MGMT: variants seen among roughly 807,000 people sequenced by gnomAD.
The protein encoded by MGMT is O-6-methylguanine-DNA methyltransferase.
In MGMT, 14 loss-of-function variants were observed where a neutral mutation model predicts 15.9. The observed-to-expected ratio is 0.88, with a 90% CI of 0.58 to 1.37. The LOEUF (loss-of-function observed/expected upper bound fraction) is 1.37, where lower values mean the gene tolerates loss of function less well. Among genes scored for constraint, MGMT ranks in the 40% most tolerant of loss-of-function variants. The probability of loss-of-function intolerance (pLI) is 0.00; values close to 1 mark genes in which losing one functional copy is unlikely to be tolerated. For synonymous variants in MGMT, 130 were observed against 118.2 expected (o/e 1.10, Z -0.65); for missense variants, 282 against 268.1 (o/e 1.05, Z -0.36).
Position 129,769,019 on chromosome 10 carries a change from C to G in MGMT, c.*2022C>G, listed in dbSNP as rs1483603037. The G allele has an allele frequency of 1.3e-5, 2 of 152,522 alleles. No homozygotes were observed. The highest frequency in any genetic ancestry group is 2.9e-5 in the Non-Finnish European group (2 of 68,280). 9.4% of individuals were successfully genotyped at this position (152,522 alleles called of 1,614,324 possible). ...ATGACTGCAGCCAGCGAGGGCCGAGCCCCCAGAATCCAGGTCAGCTCCTGG... is the reference window on the plus strand; with the variant it reads ...ATGACTGCAGCCAGCGAGGGCCGAGGCCCCAGAATCCAGGTCAGCTCCTGG... On this transcript the variant is annotated 3_prime_UTR_variant, in exon 5 of 5. Coordinates refer to ENST00000651593, the MANE Select transcript of MGMT (RefSeq NM_002412.5).
At chr10:129,561,545 A>AT (rs1471819638) in intron 2 of MGMT, among the ~76,000 whole-genome samples, 1 of 152,120 alleles carries the variant, frequency 6.6e-6, no homozygotes, top group Non-Finnish European at 1.5e-5. Flanking sequence ...CATTCTAACG[A>AT]TTTTGTCAAT....
intron 1 of MGMT, among the ~76,000 whole-genome samples, chr10:129,476,854 C>T (rs1403770246): frequency 6.6e-6 from 1 of 152,176 alleles, no homozygotes; most frequent in African/African-American, 2.4e-5. Context: ...ATGTCAAACC[C>T]ACACCAGACT....
chr10:129,770,323 G>A lies in MGMT; in HGVS notation c.*3326G>A, dbSNP rs1163844845. 1.2e-4 allele frequency among the ~76,000 whole-genome samples: 18 copies of A among 152,242 alleles called. No individual in the cohort carries two copies. Among genetic ancestry groups the A allele is most frequent in the Admixed American group, 1.2e-3 (18 of 15,288 alleles). ...AACGTAAGAGGTGGTGTGACCCGCT[G>A]GAGCCCTGTGGAGTGGCGGACTCTG... On this transcript the variant is annotated 3_prime_UTR_variant, in exon 5 of 5. Transcript: ENST00000651593.
chr10:129,558,691 G>C (rs555020), intron 2 of MGMT, among the ~76,000 whole-genome samples: 144,220 of 152,248 alleles, frequency 0.95, 68,407 homozygotes, highest in East Asian at 1. Flanking sequence ...CTCTCCTGAT[G>C]TTGCCGCCCT....
chr10:129,693,869 C>G (rs1358287139), intron 2 of MGMT: 1 of 151,958 alleles, frequency 6.6e-6, no homozygotes, highest in East Asian at 1.9e-4. Context: ...TGCCGCTGCA[C>G]TGCAGCGTGG....
In MGMT at chr10:129,525,121, T is replaced by TAC. The variant is rs1167772286; in HGVS notation, c.-12-11120_-12-11119insAC. On this transcript the variant is annotated intron_variant, in intron 1 of 4. Transcript: ENST00000651593. ...TTTTCTCTAGGTGTGATCTATTTCT[T>TAC]TCACACACACACACAGCAGTTTGTA... is the stretch of plus-strand genomic sequence containing the variant. Among the ~76,000 whole-genome samples the TAC allele has an allele frequency of 2.1e-3, 327 of 152,156 alleles. 1 individual carries two copies. The highest frequency in any genetic ancestry group is 7.4e-3 in the African/African-American group (308 of 41,510).
intron 3 of MGMT, among the ~76,000 whole-genome samples, chr10:129,735,306 G>A (rs1848547451): frequency 6.6e-6 from 1 of 152,090 alleles, no homozygotes; most frequent in African/African-American, 2.4e-5. Flanking sequence ...TATGTGTCAA[G>A]GAATTTATCC....
chr10:129,746,315 T>C (rs1475959170), intron 3 of MGMT, among the ~76,000 whole-genome samples: 10 of 151,742 alleles, frequency 6.6e-5, no homozygotes, highest in East Asian at 1.9e-4. Flanking sequence ...AAGTTTTTTT[T>C]CCCTTTTTAA....
intron 2 of MGMT, among the ~76,000 whole-genome samples, chr10:129,593,571 C>T (rs541087839): frequency 2.0e-5 from 3 of 152,336 alleles, no homozygotes; most frequent in African/African-American, 4.8e-5. Flanking sequence ...TATCACGTCC[C>T]CTTCTGACAT....
At chr10:129,590,104 C>T (rs886587082) in intron 2 of MGMT, among the ~76,000 whole-genome samples, 4 of 152,206 alleles carry the variant, frequency 2.6e-5, no homozygotes, top group African/African-American at 7.2e-5. Flanking sequence ...TCTCCCACCT[C>T]GAGGACCGGA....
chr10:129,479,433 T>C (rs755162297), intron 1 of MGMT, among the ~76,000 whole-genome samples: 3 of 152,092 alleles, frequency 2.0e-5, no homozygotes, highest in Admixed American at 6.5e-5. Context: ...GTATTTTAAA[T>C]GTTTTCATAT....
At chr10:129,529,015 G>T (rs1186786187) in intron 1 of MGMT, among the ~76,000 whole-genome samples, 1 of 152,110 alleles carries the variant, frequency 6.6e-6, no homozygotes, top group Admixed American at 6.5e-5. Context: ...AAGAAGGGGT[G>T]GAGGTGGTGA....
chr10:129,712,379 G>A (rs879425957), intron 3 of MGMT, among the ~76,000 whole-genome samples: 3 of 152,144 alleles, frequency 2.0e-5, no homozygotes, highest in Non-Finnish European at 4.4e-5. Flanking sequence ...TAATTCCTTC[G>A]TCACAGCTAT....
At position 129,490,834 on chromosome 10, in the gene MGMT, G is replaced by A. The variant is rs1845462131; in HGVS notation, c.-13+23538G>A. On this transcript the variant is annotated intron_variant, in intron 1 of 4. Coordinates refer to ENST00000651593, the MANE Select transcript of MGMT (RefSeq NM_002412.5). ...TAAAACCATTTTTCTCCCCTTTCTG[G>A]TTATACAGATTTGTATGTTTCATTT... 2.0e-5 allele frequency among the ~76,000 whole-genome samples: 3 copies of A among 151,804 alleles called. No individual in the cohort carries two copies. In the East Asian group the frequency reaches 5.8e-4, roughly 29 times the overall value.
intron 2 of MGMT, among the ~76,000 whole-genome samples, chr10:129,657,003 C>T (rs1487080163): frequency 2.0e-5 from 3 of 152,142 alleles, no homozygotes; most frequent in Non-Finnish European, 4.4e-5. Flanking sequence ...TTTTCTAAGA[C>T]ATCTAAAGCT....
At chr10:129,507,465 A>AC (rs138774157) in intron 1 of MGMT, among the ~76,000 whole-genome samples, 10,442 of 152,116 alleles carry the variant, frequency 0.069, 1,197 homozygotes, top group African/African-American at 0.24. Flanking sequence ...GGCCAGGCTC[A>AC]CTGGGAGCAA....
chr10:129,509,685 T>C (rs1845661398), intron 1 of MGMT, among the ~76,000 whole-genome samples: 1 of 152,242 alleles, frequency 6.6e-6, no homozygotes, highest in South Asian at 2.1e-4. Flanking sequence ...GCCAATTTAT[T>C]TCTCTAAGTA....
intron 2 of MGMT, among the ~76,000 whole-genome samples, chr10:129,667,285 C>T (rs1235963677): frequency 6.6e-6 from 1 of 152,124 alleles, no homozygotes; most frequent in Non-Finnish European, 1.5e-5. Context: ...TCTGGTTTTT[C>T]TTTATAGAGT....
intron 2 of MGMT, among the ~76,000 whole-genome samples, chr10:129,605,611 A>G (rs1344808774): frequency 6.6e-6 from 1 of 152,238 alleles, no homozygotes; most frequent in South Asian, 2.1e-4. Flanking sequence ...ATACATGTGA[A>G]GCCCATTTTT....
Sources: allele counts gnomAD v4.1 joint callset (sites outside exome capture counted in the v4.1 genomes callset), GRCh38; gene constraint gnomAD v4.1.1; transcripts MANE v1.5; gene names NCBI Gene and HGNC (gene_info 2026-07-23, HGNC 2026-07-21).